The following RBFOX1 variants were observed in gnomAD, a reference collection of about 807,000 sequenced individuals.
RBFOX1 encodes RNA binding protein fox-1 homolog 1.
Under a neutral mutation model 57.7 loss-of-function variants are expected in RBFOX1, and 8 were observed. That is an observed-to-expected ratio of 0.14 (90% CI 0.08 to 0.25). The LOEUF (loss-of-function observed/expected upper bound fraction) is 0.25, where lower values mean the gene tolerates loss of function less well. RBFOX1 is among the 10% of genes least tolerant of loss of function. The pLI is 1.00. For missense variants in RBFOX1, 611 were observed against 548.5 expected (o/e 1.11, Z -1.14); for synonymous variants, 326 against 222.4 (o/e 1.47, Z -4.15).
In RBFOX1 at chr16:7,249,526, A is replaced by T. The variant is rs112302789; in HGVS notation, c.27+197428A>T. 8.0e-3 allele frequency among the ~76,000 whole-genome samples: 1,211 copies of T among 151,992 alleles called. 18 individuals carry two copies. Among genetic ancestry groups the T allele is most frequent in the African/African-American group, 0.027 (1,125 of 41,456 alleles). On this transcript the variant is annotated intron_variant, in intron 4 of 15. Coordinates refer to ENST00000550418, the MANE Select transcript of RBFOX1 (RefSeq NM_018723.4). Reference sequence around the variant, plus strand: ...CTCTGACTTCCCACATTGTATATCAACTGTTTATATGTTTTGTAGTTTTTT... The same window carrying T: ...CTCTGACTTCCCACATTGTATATCATCTGTTTATATGTTTTGTAGTTTTTT...
intron 4 of RBFOX1, among the ~76,000 whole-genome samples, chr16:7,353,015 C>T (rs867789943): frequency 6.6e-6 from 1 of 152,086 alleles, no homozygotes. Flanking sequence ...TGCACCCAGC[C>T]CATACCACTT....
At chr16:6,664,593 T>A in intron 3 of RBFOX1, among the ~76,000 whole-genome samples, 1 of 152,212 alleles carries the variant, frequency 6.6e-6, no homozygotes, top group East Asian at 1.9e-4. Context: ...GCTGCGCATG[T>A]AGCCCACCAC....
chr16:6,049,475 C>T (rs2095530029), intron 1 of RBFOX1, among the ~76,000 whole-genome samples: 1 of 152,220 alleles, frequency 6.6e-6, no homozygotes, highest in African/African-American at 2.4e-5. Context: ...CACTCTCCCT[C>T]TCTAGTCTCA....
intron 2 of RBFOX1, among the ~76,000 whole-genome samples, chr16:6,353,758 C>T (rs1050111778): frequency 3.3e-5 from 5 of 152,132 alleles, no homozygotes; most frequent in Admixed American, 6.6e-5. Context: ...TGCAAGCGAA[C>T]GGTGAGTTTA....
chr16:7,274,761 A>G (rs1382361081), intron 4 of RBFOX1, among the ~76,000 whole-genome samples: 1 of 152,012 alleles, frequency 6.6e-6, no homozygotes, highest in Non-Finnish European at 1.5e-5. Flanking sequence ...CTTAGCTCAC[A>G]TCAATCTCTG....
intron 2 of RBFOX1, among the ~76,000 whole-genome samples, chr16:5,483,401 G>A (rs1467128169): frequency 2.6e-5 from 4 of 152,184 alleles, no homozygotes; most frequent in African/African-American, 9.7e-5. Flanking sequence ...AGTACTGCTT[G>A]ACTAATCCCA....
chr16:5,485,549 A>G (rs1597256563), intron 2 of RBFOX1, among the ~76,000 whole-genome samples: 1 of 152,246 alleles, frequency 6.6e-6, no homozygotes, highest in Non-Finnish European at 1.5e-5. Context: ...AAGTACCACA[A>G]TTAGGGACTT....
At chr16:6,574,053 C>A (rs1417648795) in intron 2 of RBFOX1, among the ~76,000 whole-genome samples, 1 of 152,196 alleles carries the variant, frequency 6.6e-6, no homozygotes, top group Non-Finnish European at 1.5e-5. Context: ...GCTCTGCCAA[C>A]CCTGTTCCCC....
intron 14 of RBFOX1, among the ~76,000 whole-genome samples, chr16:7,681,181 G>C (rs997683984): frequency 6.6e-6 from 1 of 152,140 alleles, no homozygotes. Flanking sequence ...AAGTGACAGA[G>C]ATAGACATAT....
chr16:7,041,978 A>G (rs1460549555), intron 3 of RBFOX1, among the ~76,000 whole-genome samples: 1 of 152,180 alleles, frequency 6.6e-6, no homozygotes, highest in East Asian at 1.9e-4. Context: ...AACGTTACTT[A>G]GGAGATGTTC....
At chr16:6,101,242 A>T (rs566622065) in intron 1 of RBFOX1, among the ~76,000 whole-genome samples, 1 of 152,186 alleles carries the variant, frequency 6.6e-6, no homozygotes, top group Admixed American at 6.5e-5. Flanking sequence ...TCTGTCCTCA[A>T]AACAGCATGC....
chr16:6,681,108 C>T (rs546030502), intron 3 of RBFOX1, among the ~76,000 whole-genome samples: 3 of 152,112 alleles, frequency 2.0e-5, no homozygotes, highest in Admixed American at 1.3e-4. Flanking sequence ...GTCAGGAGTT[C>T]GAGACCATCC....
At chr16:6,163,934 A>T (rs550724321) in intron 1 of RBFOX1, among the ~76,000 whole-genome samples, 2 of 152,180 alleles carry the variant, frequency 1.3e-5, no homozygotes, top group Non-Finnish European at 2.9e-5. Context: ...GAGGTTTACA[A>T]TGTGATGTTA....
At chr16:6,451,504 C>T (rs374876647) in intron 2 of RBFOX1, among the ~76,000 whole-genome samples, 4 of 152,080 alleles carry the variant, frequency 2.6e-5, no homozygotes. Flanking sequence ...TCAACACTTC[C>T]ACCTGTCAGC....
At chr16:5,805,756 C>T (rs761165889) in intron 3 of RBFOX1, among the ~76,000 whole-genome samples, 51 of 152,232 alleles carry the variant, frequency 3.4e-4, no homozygotes, top group Non-Finnish European at 1.5e-4. Flanking sequence ...CATAACCAAC[C>T]CATATTCTAG....
At chr16:5,857,925 T>G (rs564290154) in intron 3 of RBFOX1, among the ~76,000 whole-genome samples, 36 of 152,170 alleles carry the variant, frequency 2.4e-4, no homozygotes, top group African/African-American at 8.4e-4. Context: ...CCAGCCTGGG[T>G]GACAAAGTGA....
chr16:7,236,384 G>T (rs1233869219), intron 4 of RBFOX1, among the ~76,000 whole-genome samples: 1 of 152,082 alleles, frequency 6.6e-6, no homozygotes, highest in African/African-American at 2.4e-5. Context: ...GTCTAGAGGG[G>T]CGTACCCTCT....
chr16:5,331,516 C>T (rs2064756037), intron 1 of RBFOX1, among the ~76,000 whole-genome samples: 1 of 152,212 alleles, frequency 6.6e-6, no homozygotes, highest in Non-Finnish European at 1.5e-5. Flanking sequence ...TGGGCTAGCC[C>T]AGGCATGTCC....
At chr16:6,723,260 T>A (rs1322820112) in intron 3 of RBFOX1, among the ~76,000 whole-genome samples, 1 of 152,248 alleles carries the variant, frequency 6.6e-6, no homozygotes, top group Non-Finnish European at 1.5e-5. Context: ...GCAAGCAGTT[T>A]CTTCGTGTTT....
Sources: gnomAD v4.1 joint callset for allele counts (sites outside exome capture counted in the v4.1 genomes callset) on GRCh38, gnomAD v4.1.1 for gene constraint, MANE v1.5 for transcripts, NCBI Gene and HGNC (gene_info 2026-07-23, HGNC 2026-07-21) for gene names.